The following DNAH3 variants were observed in gnomAD, a reference collection of about 807,000 sequenced individuals.
The protein encoded by DNAH3 is axonemal beta dynein heavy chain 3.
DNAH3 carries 332 observed loss-of-function variants against 432.5 expected under a neutral mutation model. The observed-to-expected ratio is 0.77, with a 90% CI of 0.70 to 0.84. The LOEUF is 0.84. Among genes scored for constraint, DNAH3 ranks in the 40% least tolerant of loss-of-function variants. The pLI, the probability that DNAH3 is intolerant of heterozygous loss-of-function variation, is 0.00. For missense variants in DNAH3, 4,861 were observed against 5,114.0 expected (o/e 0.95, Z 1.51); for synonymous variants, 1,956 against 1,900.2 (o/e 1.03, Z -0.76).
At chr16:20,954,756 C>A in intron 55 of DNAH3, 57 bp downstream of exon 55, 1 of 1,584,804 alleles carries the variant, frequency 6.3e-7, no homozygotes, top group South Asian at 1.2e-5. Context: ...GGAAACACAC[C>A]TATATGTGTC....
intron 51 of DNAH3, among the ~76,000 whole-genome samples, chr16:20,970,292 A>G (rs1040913476): frequency 5.9e-5 from 9 of 152,198 alleles, no homozygotes; most frequent in African/African-American, 2.2e-4. Context: ...TGGGAGGCCA[A>G]CGTGGTGGAT....
intron 18 of DNAH3, among the ~76,000 whole-genome samples, chr16:21,090,721 G>A (rs1373125361): frequency 1.3e-5 from 2 of 152,188 alleles, no homozygotes; most frequent in South Asian, 2.1e-4. Context: ...TAGAAAGGCA[G>A]TTACCAGAGG....
chr16:21,031,355 G>A, intron 36 of DNAH3, 69 bp from the exon 37 acceptor site: 2 of 1,565,862 alleles, frequency 1.3e-6, no homozygotes, highest in Non-Finnish European at 1.7e-6. Context: ...AAGAGATGAT[G>A]TCATCTCAAC....
intron 18 of DNAH3, among the ~76,000 whole-genome samples, chr16:21,089,634 C>A (rs1401455718): frequency 6.6e-6 from 1 of 151,982 alleles, no homozygotes; most frequent in Non-Finnish European, 1.5e-5. Flanking sequence ...AGAGGAGTCT[C>A]AAAGGAAATT....
intron 18 of DNAH3, among the ~76,000 whole-genome samples, chr16:21,088,536 C>G (rs1011229599): frequency 1.3e-5 from 2 of 152,138 alleles, no homozygotes; most frequent in Non-Finnish European, 2.9e-5. Context: ...ATATCTACAA[C>G]AAGAGAGAAG....
chr16:20,935,859 A>G (rs954740895), intron 60 of DNAH3, among the ~76,000 whole-genome samples: 10 of 151,166 alleles, frequency 6.6e-5, no homozygotes, highest in African/African-American at 1.9e-4. Context: ...AAAAAAAAAA[A>G]GCCCAGGTGC....
At chr16:21,085,527 CAAA>C (rs34136946) in intron 19 of DNAH3, among the ~76,000 whole-genome samples, 6 of 81,312 alleles carry the variant, frequency 7.4e-5, no homozygotes, top group African/African-American at 9.5e-5. Context: ...GATTCCACCT[CAAA>C]AAAAAAAAAA....
At chr16:21,117,445 A>AT (rs908298690) in intron 11 of DNAH3, 106 bp from the exon 12 acceptor site, 49 of 692,180 alleles carry the variant, frequency 7.1e-5, no homozygotes, top group Admixed American at 8.2e-5. Flanking sequence ...TGCCAGCTGC[A>AT]TTTTTACTCT....
intron 1 of DNAH3, among the ~76,000 whole-genome samples, chr16:21,148,865 T>G (rs1248805323): frequency 6.6e-6 from 1 of 152,142 alleles, no homozygotes; most frequent in Non-Finnish European, 1.5e-5. Context: ...TGGCTAAGAA[T>G]CCTCTGTGGC....
chr16:20,952,678 C>T (rs532924294), intron 55 of DNAH3, 129 bp from the exon 56 acceptor site: 276 of 638,304 alleles, frequency 4.3e-4, no homozygotes, highest in Non-Finnish European at 7.4e-4. Context: ...TATCAAGCAC[C>T]GAGGCCAACT....
At chr16:20,976,596 G>T (rs1204360533) in intron 50 of DNAH3, among the ~76,000 whole-genome samples, 1 of 152,234 alleles carries the variant, frequency 6.6e-6, no homozygotes, top group Non-Finnish European at 1.5e-5. Flanking sequence ...TAGTATTGTG[G>T]ACTAAATGTT....
At chr16:21,153,076 C>T (rs915263840) in intron 1 of DNAH3, among the ~76,000 whole-genome samples, 2 of 152,230 alleles carry the variant, frequency 1.3e-5, no homozygotes, top group Admixed American at 6.5e-5. Flanking sequence ...CTGATGGGGA[C>T]GTGGAGAACC....
chr16:21,127,839 T>G, intron 7 of DNAH3, 27 bp from the exon 9 acceptor site: 2 of 1,613,462 alleles, frequency 1.2e-6, no homozygotes, highest in Non-Finnish European at 1.7e-6. Flanking sequence ...AGAAATTTCC[T>G]AAGCTAAAGA....
chr16:20,971,389 G>A (rs2085335885), intron 51 of DNAH3, among the ~76,000 whole-genome samples: 1 of 152,110 alleles, frequency 6.6e-6, no homozygotes, highest in Admixed American at 6.6e-5. Flanking sequence ...GGAGTGTGAG[G>A]AGATTAGAGA....
intron 6 of DNAH3, among the ~76,000 whole-genome samples, chr16:21,135,478 A>G (rs1287224502): frequency 6.6e-6 from 1 of 152,152 alleles, no homozygotes; most frequent in Admixed American, 6.5e-5. Context: ...AGATCACTTG[A>G]GGTCATGAAT....
intron 18 of DNAH3, 120 bp downstream of exon 18, chr16:21,097,235 G>C (rs2091708251): frequency 8.5e-7 from 1 of 1,174,826 alleles, no homozygotes; most frequent in Middle Eastern, 2.9e-4. Flanking sequence ...TTAATCTGGA[G>C]TGTCAGAATC....
rs2085787388 is a variant in DNAH3, at chr16:20,980,068, A to AAGG, written c.7860-523_7860-522insCCT. On this transcript the variant is annotated intron_variant, in intron 49 of 61. Transcript: ENST00000261383. ...CCCAGCCACAAATGGTCTTTGATCA[A>AAGG]GTCATTTCTATCACTGATCCCTTTG... Among the ~76,000 whole-genome samples the AAGG allele has an allele frequency of 2.6e-5, 4 of 151,594 alleles. No homozygotes were observed. The Admixed American group carries it at 2.6e-4, about 10-fold the overall frequency.
chr16:20,952,622 G>A lies in DNAH3; in HGVS notation c.11072-73C>T. On this transcript the variant is annotated intron_variant, in intron 55 of 61. Coordinates refer to ENST00000261383, the Ensembl canonical transcript of DNAH3. ...TTTCCACTCAAAGACCAAGCCGAGG[G>A]AGTTAAGCATCATTATGGATCAAAA... The A allele has an allele frequency of 4.2e-6, 4 of 959,794 alleles. 1 individual carries two copies. The highest frequency in any genetic ancestry group is 6.7e-6 in the Non-Finnish European group (4 of 594,062). The allele number at this position is 959,794 out of a possible 1,614,324, so 59.5% of individuals were successfully genotyped here. A position where few individuals can be genotyped will look rare whatever the true frequency, so the allele number is the denominator to read the frequency against.
chr16:21,143,574 T>G (rs2092747211), intron 3 of DNAH3, among the ~76,000 whole-genome samples: 1 of 152,214 alleles, frequency 6.6e-6, no homozygotes, highest in Non-Finnish European at 1.5e-5. Flanking sequence ...CAAAAGGAAC[T>G]AAGATGATGA....
Sources: allele counts gnomAD v4.1 joint callset (sites outside exome capture counted in the v4.1 genomes callset), GRCh38; gene constraint gnomAD v4.1.1; transcripts MANE v1.5; gene names NCBI Gene and HGNC (gene_info 2026-07-23, HGNC 2026-07-21).